The following PRKCE variants were observed in gnomAD, a reference collection of about 807,000 sequenced individuals.
The protein encoded by PRKCE is protein kinase C epsilon type.
Under a neutral mutation model 85.4 loss-of-function variants are expected in PRKCE, and 16 were observed. That is an observed-to-expected ratio of 0.19 (90% CI 0.13 to 0.28). PRKCE has a LOEUF of 0.28. PRKCE is among the 10% of genes least tolerant of loss of function. The probability of loss-of-function intolerance (pLI) is 1.00; values close to 1 mark genes in which losing one functional copy is unlikely to be tolerated. For missense variants in PRKCE, 573 were observed against 975.2 expected, an observed-to-expected ratio of 0.59 and a Z score of 5.49; for synonymous variants, 388 against 371.5, an observed-to-expected ratio of 1.04 and a Z score of -0.51.
intron 10 of PRKCE, among the ~76,000 whole-genome samples, chr2:46,015,559 C>A (rs571396914): frequency 6.6e-6 from 1 of 152,028 alleles, no homozygotes. Context: ...TACAAAGCAA[C>A]GGGAGACGTT....
At chr2:46,039,744 T>C (rs1234539677) in intron 10 of PRKCE, among the ~76,000 whole-genome samples, 1 of 152,192 alleles carries the variant, frequency 6.6e-6, no homozygotes, top group Non-Finnish European at 1.5e-5. Flanking sequence ...GATGACGATA[T>C]TGACATTTGG....
intron 14 of PRKCE, among the ~76,000 whole-genome samples, chr2:46,179,482 A>G (rs900719894): frequency 1.5e-4 from 23 of 152,122 alleles, no homozygotes; most frequent in Non-Finnish European, 5.9e-5. Context: ...TCCTGACTAC[A>G]GACACCAAAA....
intron 11 of PRKCE, among the ~76,000 whole-genome samples, chr2:46,107,582 C>G (rs756416472): frequency 1.3e-5 from 2 of 152,192 alleles, no homozygotes; most frequent in Non-Finnish European, 1.5e-5. Flanking sequence ...CCTAGGGGAG[C>G]AATTGCTGGA....
At chr2:45,911,319 T>G (rs1697365274) in intron 2 of PRKCE, among the ~76,000 whole-genome samples, 2 of 152,174 alleles carry the variant, frequency 1.3e-5, no homozygotes, top group South Asian at 4.1e-4. Context: ...AGGGAATCAC[T>G]GAGAATACAA....
In PRKCE at chr2:46,111,885, C is replaced by G. The variant is rs578156880; in HGVS notation, c.1592+25523C>G. Among the ~76,000 whole-genome samples, 178 of 152,256 alleles carry G rather than the reference C, an allele frequency of 1.2e-3. 1 individual carries two copies. Among genetic ancestry groups the G allele is most frequent in the African/African-American group, 4.3e-3 (177 of 41,540 alleles). On this transcript the variant is annotated intron_variant, in intron 11 of 14. Coordinates refer to ENST00000306156, the MANE Select transcript of PRKCE (RefSeq NM_005400.3). Reference sequence around the variant, plus strand: ...CCATGTTTAACTGAGGAACTCCCTGCGTGTTTTCCAAAAATGGCTGTACCA... The same window carrying G: ...CCATGTTTAACTGAGGAACTCCCTGGGTGTTTTCCAAAAATGGCTGTACCA...
At chr2:45,963,052 G>C (rs1272514095) in intron 2 of PRKCE, among the ~76,000 whole-genome samples, 1 of 152,082 alleles carries the variant, frequency 6.6e-6, no homozygotes, top group African/African-American at 2.4e-5. Context: ...AAAGACTTGG[G>C]GCTTGTTCAC....
intron 1 of PRKCE, among the ~76,000 whole-genome samples, chr2:45,678,386 G>A (rs1458951270): frequency 6.6e-6 from 1 of 152,162 alleles, no homozygotes; most frequent in Non-Finnish European, 1.5e-5. Flanking sequence ...GAGGGATCAG[G>A]TTTAAAAAAT....
At chr2:45,935,525 G>A (rs144985119) in intron 2 of PRKCE, among the ~76,000 whole-genome samples, 52 of 152,226 alleles carry the variant, frequency 3.4e-4, no homozygotes, top group Admixed American at 9.8e-4. Context: ...GGTGGCTCAC[G>A]CCTATAATCC....
chr2:45,919,714 C>CTT (rs1403531979), intron 2 of PRKCE, among the ~76,000 whole-genome samples: 2 of 152,230 alleles, frequency 1.3e-5, no homozygotes, highest in Non-Finnish European at 2.9e-5. Context: ...AAATCTAGGC[C>CTT]TTCTTTGGCT....
At chr2:45,738,756 T>C (rs1321748340) in intron 1 of PRKCE, among the ~76,000 whole-genome samples, 1 of 152,218 alleles carries the variant, frequency 6.6e-6, no homozygotes, top group African/African-American at 2.4e-5. Flanking sequence ...ACCTTACAGT[T>C]ATTGGGCATT....
In PRKCE at chr2:45,962,159, G is replaced by A. The variant is rs191108794; in HGVS notation, c.413-14270G>A. Among the ~76,000 whole-genome samples the A allele has an allele frequency of 2.5e-3, 377 of 152,330 alleles. 3 individuals carry two copies. Among genetic ancestry groups the A allele is most frequent in the African/African-American group, 8.8e-3 (365 of 41,576 alleles). Reference sequence around the variant, plus strand: ...GAAAGTGACACTTTCTTTAAGTAAAGACACAACTCTTGGGCTTTCCTGAGG... The same window carrying A: ...GAAAGTGACACTTTCTTTAAGTAAAAACACAACTCTTGGGCTTTCCTGAGG... On this transcript the variant is annotated intron_variant, in intron 2 of 14. Coordinates refer to ENST00000306156, the MANE Select transcript of PRKCE (RefSeq NM_005400.3).
intron 1 of PRKCE, among the ~76,000 whole-genome samples, chr2:45,778,935 C>T (rs879805319): frequency 6.6e-6 from 1 of 152,230 alleles, no homozygotes; most frequent in Non-Finnish European, 1.5e-5. Context: ...ACGTCTCCTT[C>T]TCATTCTCTT....
chr2:46,030,758 CA>C (rs1189315982), intron 10 of PRKCE, among the ~76,000 whole-genome samples: 1 of 152,214 alleles, frequency 6.6e-6, no homozygotes, highest in Admixed American at 6.5e-5. Context: ...TTCCCTTTTC[CA>C]CCTTCTAACC....
chr2:46,024,131 CAAGGTGT>C (rs1206293660), intron 10 of PRKCE, among the ~76,000 whole-genome samples: 1 of 152,064 alleles, frequency 6.6e-6, no homozygotes, highest in Non-Finnish European at 1.5e-5. Context: ...CCCAAGAGCC[CAAGGTGT>C]AAATAAAATG....
chr2:45,887,962 AGAGGT>A (rs1386995700), intron 2 of PRKCE, among the ~76,000 whole-genome samples: 1 of 152,190 alleles, frequency 6.6e-6, no homozygotes, highest in Non-Finnish European at 1.5e-5. Context: ...CCCACATAGG[AGAGGT>A]GGGCACACTA....
intron 1 of PRKCE, chr2:45,840,426 T>G (rs1355994485): frequency 2.0e-5 from 3 of 152,176 alleles, no homozygotes; most frequent in African/African-American, 7.2e-5. Context: ...GGAGAACATT[T>G]TCTTTACCCA....
At chr2:46,027,935 ATTCTTTTTT>A (rs1362042436) in intron 10 of PRKCE, among the ~76,000 whole-genome samples, 17 of 151,586 alleles carry the variant, frequency 1.1e-4, no homozygotes, top group African/African-American at 4.1e-4. Context: ...GAAGGTTGGG[ATTCTTTTTT>A]TTCTTTTTTT....
At chr2:46,167,923 C>A (rs1678502112) in intron 14 of PRKCE, 1 of 152,230 alleles carries the variant, frequency 6.6e-6, no homozygotes, top group African/African-American at 2.4e-5. Flanking sequence ...GCACAGCAGG[C>A]TCCCAAATAT....
At position 45,933,464 on chromosome 2, in the gene PRKCE, C is replaced by CTTTTTTTTTTT. The variant is rs59991455; in HGVS notation, c.413-42948_413-42938dup. 1.5e-4 allele frequency among the ~76,000 whole-genome samples: 10 copies of CTTTTTTTTTTT among 65,362 alleles called. 3 individuals carry two copies. The highest frequency in any genetic ancestry group is 5.5e-4 in the African/African-American group (9 of 16,236). The allele number at this position is 65,362 out of a possible 152,430, so 42.9% of individuals were successfully genotyped here. ...TTTTACCTTTCACCTCATATGCCTG[C>CTTTTTTTTTTT]TTTTTTTTTTTTTTTTTTTTTTTTT... On this transcript the variant is annotated intron_variant, in intron 2 of 14. Coordinates refer to ENST00000306156, the MANE Select transcript of PRKCE (RefSeq NM_005400.3).
Sources: gnomAD v4.1 joint callset for allele counts (sites outside exome capture counted in the v4.1 genomes callset) on GRCh38, gnomAD v4.1.1 for gene constraint, MANE v1.5 for transcripts, NCBI Gene and HGNC (gene_info 2026-07-23, HGNC 2026-07-21) for gene names.